KLF1: variants seen among roughly 807,000 people sequenced by gnomAD.
KLF1 encodes Krueppel-like factor 1.
KLF1 carries 29 observed loss-of-function variants against 28.0 expected under a neutral mutation model. The observed-to-expected ratio is 1.04, with a 90% CI of 0.77 to 1.41. The LOEUF is 1.41. KLF1 is among the 40% of genes most tolerant of loss of function. The pLI is 0.00. For missense variants in KLF1, 508 were observed against 515.1 expected, an observed-to-expected ratio of 0.99 and a Z score of 0.13; for synonymous variants, 262 against 242.6, an observed-to-expected ratio of 1.08 and a Z score of -0.74.
chr19:12,886,165 C>T (rs1251070599), intron 1 of KLF1, 23 bp from the exon 2 acceptor site: 1 of 1,579,282 alleles, frequency 6.3e-7, no homozygotes, highest in Non-Finnish European at 8.6e-7. Flanking sequence ...GCAGGCAGCT[C>T]GAGGTTCGGT....
At position 12,887,024 on chromosome 19, in the gene KLF1, C is replaced by A; in HGVS notation, c.87+30G>T. On this transcript the variant is annotated intron_variant, in intron 1 of 2. Transcript: ENST00000264834. This position sits in a 1 kb window ranked among gnomAD's most constrained non-coding sequence, Gnocchi z 4.7. ...GACTGTGGCCCTGGATTCCAGCCAG[C>A]CCACCTAGACCCCACCTTCTAGGCC... 6.2e-7 allele frequency: 1 copy of A among 1,609,312 alleles called. No individual in the cohort carries two copies. Among genetic ancestry groups the A allele is most frequent in the Non-Finnish European group, 8.5e-7 (1 of 1,175,682 alleles).
At position 12,885,147 on chromosome 19, in the gene KLF1, C is replaced by T; in HGVS notation, c.914-87G>A. The T allele has an allele frequency of 1.3e-6, 2 of 1,509,490 alleles. No individual in the cohort carries two copies. The highest frequency in any genetic ancestry group is 1.8e-6 in the Non-Finnish European group (2 of 1,110,746). 93.5% of individuals were successfully genotyped at this position (1,509,490 alleles called of 1,614,324 possible). On this transcript the variant is annotated intron_variant, in intron 2 of 2. Transcript: ENST00000264834. The surrounding 1 kb of genome is among the most constrained non-coding windows in gnomAD (Gnocchi z 5.6). ...ATCTGGCCACACCCCTTTACTCAGC[C>T]TGGGCTGGGACTAGGATGAACAAAG...
At position 12,885,805 on chromosome 19, in the gene KLF1, G is replaced by A. The variant is rs962054327; in HGVS notation, c.425C>T (p.Ala142Val). The A allele has an allele frequency of 4.5e-6, 7 of 1,545,246 alleles. No individual in the cohort carries two copies. The Admixed American group carries it at 7.9e-5, about 17-fold the overall frequency. ...HSGWVRPALR[A>V]RAPDAFVGPA... ...GCCCACGAAGGCGTCGGGAGCCCGG[G>A]CTCGCAGGGCAGGGCGCACCCAACC... is the stretch of plus-strand genomic sequence containing the variant. Residue 142 changes from alanine to valine, a missense_variant, in exon 2 of 3, where the codon GCC (alanine) becomes GTC (valine). Transcript: ENST00000264834. This position sits in a 1 kb window ranked among gnomAD's most constrained non-coding sequence, Gnocchi z 5.6.
rs376729810 is a variant in KLF1 at position 12,885,103 on chromosome 19, A to G, written c.914-43T>C. On this transcript the variant is annotated intron_variant, in intron 2 of 2. Coordinates refer to ENST00000264834, the MANE Select transcript of KLF1 (RefSeq NM_006563.5). The surrounding 1 kb of genome is among the most constrained non-coding windows in gnomAD (Gnocchi z 5.6). ...CATAAGCGCCACTGTCTGCCCAGTC[A>G]TGTCCCCGGGTCCCCTGCATCTGGC... 6.3e-7 allele frequency: 1 copy of G among 1,594,950 alleles called. No individual in the cohort carries two copies. Among genetic ancestry groups the G allele is most frequent in the African/African-American group, 1.3e-5 (1 of 74,896 alleles).
At position 12,887,124 on chromosome 19, in the gene KLF1, G is replaced by A. The variant is rs1354459270; in HGVS notation, c.17C>T (p.Thr6Ile). MATAE[T>I]ALPSISTLTA... The stretch of plus-strand genomic sequence containing the variant: ...CAGTGTGCTGATGGAGGGCAAGGCG[G>A]TCTCGGCTGTGGCCATGGCTGGCTG... Residue 6 changes from threonine (T) to isoleucine (I), a missense_variant, in exon 1 of 3, where the codon ACC becomes ATC. Coordinates refer to ENST00000264834, the MANE Select transcript of KLF1 (RefSeq NM_006563.5). This position sits in a 1 kb window ranked among gnomAD's most constrained non-coding sequence, Gnocchi z 4.7. 6.2e-7 allele frequency: 1 copy of A among 1,614,142 alleles called. No homozygotes were observed. The highest frequency in any genetic ancestry group is 8.5e-7 in the Non-Finnish European group (1 of 1,180,012).
rs892121558 is a variant in KLF1 at position 12,885,726 on chromosome 19, C to T, written c.504G>A (p.Pro168=). The T allele has an allele frequency of 6.6e-7, 1 of 1,511,684 alleles. No individual in the cohort carries two copies. 93.6% of individuals were successfully genotyped at this position (1,511,684 alleles called of 1,614,324 possible). Residue 168 remains proline (P), a synonymous_variant, in exon 2 of 3, where the codon CCG becomes CCA. Coordinates refer to ENST00000264834, the MANE Select transcript of KLF1 (RefSeq NM_006563.5). This position sits in a 1 kb window ranked among gnomAD's most constrained non-coding sequence, Gnocchi z 5.6. ...APEPKALALQ[P]VYPGPGAGSS... ...AGCCGGCGCCGGGCCCCGGGTACAC[C>T]GGTTGCAGCGCCAGCGCCTTGGGCT...
At position 12,884,712 on chromosome 19, in the gene KLF1, A is replaced by G. The variant is rs569528632; in HGVS notation, c.*173T>C. ...GTAAGAGGCTCCCCCAGGGCTGTCT[A>G]TGGGTCCGTGTTTGATATTTGGGTG... On this transcript the variant is annotated 3_prime_UTR_variant, in exon 3 of 3. Transcript: ENST00000264834. The G allele has an allele frequency of 9.2e-5, 65 of 703,826 alleles. No homozygotes were observed. Among genetic ancestry groups the G allele is most frequent in the Non-Finnish European group, 4.1e-5 (17 of 411,940 alleles). 43.6% of individuals were successfully genotyped at this position (703,826 alleles called of 1,614,324 possible).
In KLF1 at chr19:12,885,397, G is replaced by T. The variant is rs372605116; in HGVS notation, c.833C>A (p.Ala278Glu). Residue 278 changes from alanine to glutamate, a missense_variant, in exon 2 of 3, where the codon GCG (alanine) becomes GAG (glutamate). Coordinates refer to ENST00000264834, the MANE Select transcript of KLF1 (RefSeq NM_006563.5). This position sits in a 1 kb window ranked among gnomAD's most constrained non-coding sequence, Gnocchi z 5.6. ...RRSWARKRQA[A>E]HTCAHPGCGK... Reference sequence around the variant, plus strand: ...GCAACCCGGGTGCGCGCACGTGTGCGCTGCCTGCCTCTTGCGCGCCCACGA... The same window carrying T: ...GCAACCCGGGTGCGCGCACGTGTGCTCTGCCTGCCTCTTGCGCGCCCACGA... 1.2e-6 allele frequency: 2 copies of T among 1,605,436 alleles called. No individual in the cohort carries two copies. Among genetic ancestry groups the T allele is most frequent in the African/African-American group, 1.3e-5 (1 of 74,814 alleles).
chr19:12,884,874 C>T lies in KLF1; in HGVS notation c.*11G>A, dbSNP rs1476582061. 1 of 1,613,586 alleles carries T rather than the reference C, an allele frequency of 6.2e-7. No individual in the cohort carries two copies. The highest frequency in any genetic ancestry group is 8.5e-7 in the Non-Finnish European group (1 of 1,180,012). ...CCAGTCACTAGGAGAGTCCAAGTGC[C>T]AGGGCAGGGCTCAAAGGTGGCGCTT... On this transcript the variant is annotated 3_prime_UTR_variant, in exon 3 of 3. Transcript: ENST00000264834.
Position 12,884,793 on chromosome 19 carries a change from A to G in KLF1, c.*92T>C, listed in dbSNP as rs190454258. 4.5e-5 allele frequency: 64 copies of G among 1,411,176 alleles called. No homozygotes were observed. The East Asian group carries it at 1.5e-3, about 32-fold the overall frequency. 87.4% of individuals were successfully genotyped at this position (1,411,176 alleles called of 1,614,324 possible). A position where few individuals can be genotyped will look rare whatever the true frequency, so the allele number is the denominator to read the frequency against. On this transcript the variant is annotated 3_prime_UTR_variant, in exon 3 of 3. Transcript: ENST00000264834. ...TCCATTCGTGGGAAAACCACCCAGC[A>G]TTGTGTCACGCGCGTCCGTGTGAAG...
chr19:12,885,273 CGGGCGCCGCGCCCTTTCTCATGTCCG>C lies in KLF1; in HGVS notation c.913+18_913+43del, dbSNP rs777677741. On this transcript the variant is annotated intron_variant, in intron 2 of 2. Coordinates refer to ENST00000264834, the MANE Select transcript of KLF1 (RefSeq NM_006563.5). This position sits in a 1 kb window ranked among gnomAD's most constrained non-coding sequence, Gnocchi z 5.6. ...AACCCTTCTTCCCCTGTAACTACAG[CGGGCGCCGCGCCCTTTCTCATGTCCG>C]GGGCCCCGCCCCCTCACCTGTGTGC... 4 of 1,502,742 alleles carry C rather than the reference CGGGCGCCGCGCCCTTTCTCATGTCCG, an allele frequency of 2.7e-6. No homozygotes were observed. The highest frequency in any genetic ancestry group is 1.2e-5 in the South Asian group (1 of 83,254). The allele number at this position is 1,502,742 out of a possible 1,614,324, so 93.1% of individuals were successfully genotyped here.
chr19:12,885,650 C>G lies in KLF1; in HGVS notation c.580G>C (p.Gly194Arg). The G allele has an allele frequency of 6.5e-7, 1 of 1,543,402 alleles. No individual in the cohort carries two copies. Among genetic ancestry groups the G allele is most frequent in the Non-Finnish European group, 8.7e-7 (1 of 1,143,368 alleles). ...CCGGACAGTAGCCCGTAGGGGGCGC[C>G]CGACGCCGCAGGCACTGAAAGCCCG... ...RTGLSVPAAS[G>R]APYGLLSGYP... is the part of the protein sequence containing the mutation. Residue 194 changes from glycine to arginine, a missense_variant, in exon 2 of 3, where the codon GGC becomes CGC. Coordinates refer to ENST00000264834, the MANE Select transcript of KLF1 (RefSeq NM_006563.5). This position sits in a 1 kb window ranked among gnomAD's most constrained non-coding sequence, Gnocchi z 5.6.
Position 12,885,498 on chromosome 19 carries a change from C to CA in KLF1, c.731dup (p.Thr246HisfsTer107). On this transcript the variant is annotated frameshift_variant, in exon 2 of 3. Coordinates refer to ENST00000264834, the MANE Select transcript of KLF1 (RefSeq NM_006563.5). LOFTEE classifies it high-confidence loss of function. The surrounding 1 kb of genome is among the most constrained non-coding windows in gnomAD (Gnocchi z 5.6). ...CTGCAGTCCCCCCGAGTCCAGTGCCCACCGTCCCGGGTCCCAAACAACTCA... is the reference window on the plus strand; with the variant it reads ...CTGCAGTCCCCCCGAGTCCAGTGCCCAACCGTCCCGGGTCCCAAACAACTCA... 1 of 1,598,794 alleles carries CA rather than the reference C, an allele frequency of 6.3e-7. No homozygotes were observed. The highest frequency in any genetic ancestry group is 8.5e-7 in the Non-Finnish European group (1 of 1,173,518).
rs1970427090 is a variant in KLF1, at chr19:12,885,384, CGCGCACGTGT to C, written c.836_845del (p.His279ArgfsTer15). 6.2e-7 allele frequency: 1 copy of C among 1,605,762 alleles called. No homozygotes were observed. Among genetic ancestry groups the C allele is most frequent in the Non-Finnish European group, 8.5e-7 (1 of 1,176,798 alleles). ...TGTAGCTCTTGCCGCAACCCGGGTG[CGCGCACGTGT>C]GCGCTGCCTGCCTCTTGCGCGCCCA... is the stretch of plus-strand genomic sequence containing the variant. On this transcript the variant is annotated frameshift_variant, in exon 2 of 3. Transcript: ENST00000264834. LOFTEE classifies it high-confidence loss of function. This position sits in a 1 kb window ranked among gnomAD's most constrained non-coding sequence, Gnocchi z 5.6.
rs1970458308 is a variant in KLF1 at position 12,887,097 on chromosome 19, G to A, written c.44C>T (p.Thr15Ile). The A allele has an allele frequency of 6.2e-7, 1 of 1,614,102 alleles. No individual in the cohort carries two copies. The highest frequency in any genetic ancestry group is 1.3e-5 in the African/African-American group (1 of 74,940). The change falls in exon 1 of 3, where the codon ACC (threonine) becomes ATC (isoleucine). Residue 15 changes from threonine to isoleucine, a missense_variant. By Grantham distance (89) the Thr-to-Ile change is moderately conservative. Coordinates refer to ENST00000264834, the MANE Select transcript of KLF1 (RefSeq NM_006563.5). The surrounding 1 kb of genome is among the most constrained non-coding windows in gnomAD (Gnocchi z 4.7). The part of the protein sequence containing the change: ...ETALPSISTL[T>I]ALGPFPDTQD... ...TGTGTCCGGGAAGGGGCCCAGGGCG[G>A]TCAGTGTGCTGATGGAGGGCAAGGC...
In KLF1 at chr19:12,887,193, G is replaced by C; in HGVS notation, c.-53C>G. ...AAGCCTCCTCTTCCTCGGCTGCCTC[G>C]TGAACTCTGAGGCTGTGATAGCCCC... On this transcript the variant is annotated 5_prime_UTR_variant, in exon 1 of 3. Transcript: ENST00000264834. This position sits in a 1 kb window ranked among gnomAD's most constrained non-coding sequence, Gnocchi z 4.7. 2 of 1,575,428 alleles carry C rather than the reference G, an allele frequency of 1.3e-6. No homozygotes were observed. The highest frequency in any genetic ancestry group is 1.7e-6 in the Non-Finnish European group (2 of 1,147,060).
Position 12,885,809 on chromosome 19 carries a change from G to T in KLF1, c.421C>A (p.Arg141=), listed in dbSNP as rs1426116895. ...DHSGWVRPAL[R]ARAPDAFVGP... ...ACGAAGGCGTCGGGAGCCCGGGCTC[G>T]CAGGGCAGGGCGCACCCAACCCGAG... Residue 141 remains arginine (R), a synonymous_variant, in exon 2 of 3, where the codon CGA becomes AGA. Transcript: ENST00000264834. The surrounding 1 kb of genome is among the most constrained non-coding windows in gnomAD (Gnocchi z 5.6). 1.9e-6 allele frequency: 3 copies of T among 1,545,800 alleles called. No homozygotes were observed. The highest frequency in any genetic ancestry group is 1.2e-5 in the South Asian group (1 of 83,776).
chr19:12,884,699 C>T lies in KLF1; in HGVS notation c.*186G>A, dbSNP rs1450560099. On this transcript the variant is annotated 3_prime_UTR_variant, in exon 3 of 3. Coordinates refer to ENST00000264834, the MANE Select transcript of KLF1 (RefSeq NM_006563.5). ...TGTCGGATTTTCCGTAAGAGGCTCC[C>T]CCAGGGCTGTCTATGGGTCCGTGTT... 1.8e-5 allele frequency: 12 copies of T among 657,660 alleles called. No homozygotes were observed. Among genetic ancestry groups the T allele is most frequent in the Non-Finnish European group, 3.2e-5 (12 of 380,080 alleles). 40.7% of individuals were successfully genotyped at this position (657,660 alleles called of 1,614,324 possible).
chr19:12,884,925 C>A lies in KLF1; in HGVS notation c.1049G>T (p.Arg350Leu), dbSNP rs761317051. The A allele has an allele frequency of 1.9e-6, 3 of 1,613,762 alleles. No homozygotes were observed. Among genetic ancestry groups the A allele is most frequent in the African/African-American group, 1.3e-5 (1 of 74,918 alleles). The change falls in exon 3 of 3, where the codon CGC becomes CTC. Residue 350 changes from arginine to leucine, a missense_variant. Arg to Leu is a moderately radical substitution (Grantham distance 102). Transcript: ENST00000264834. ...RCQLCPRAFS[R>L]SDHLALHMKR... ...CATGTGCAAGGCCAGGTGGTCAGAG[C>A]GCGAAAAAGCACGTGGGCAGAGCTG...
Sources: allele counts gnomAD v4.1 joint callset, GRCh38; gene constraint gnomAD v4.1.1; non-coding constraint Gnocchi (gnomAD v3.1); transcripts MANE v1.5; gene names NCBI Gene and HGNC (gene_info 2026-07-23, HGNC 2026-07-21).